UBXN2B: variants seen among roughly 807,000 people sequenced by gnomAD.
The protein encoded by UBXN2B is UBX domain protein 2B.
In UBXN2B, 19 loss-of-function variants were observed where a neutral mutation model predicts 37.5. The ratio of observed to expected loss-of-function variants is 0.51; its 90% CI spans 0.35 to 0.74. The LOEUF (loss-of-function observed/expected upper bound fraction) is 0.74. UBXN2B is among the 30% of genes least tolerant of loss of function. The pLI is 0.01. For missense variants in UBXN2B, 370 were observed against 393.2 expected, an observed-to-expected ratio of 0.94 and a Z score of 0.50; for synonymous variants, 145 against 143.8, an observed-to-expected ratio of 1.01 and a Z score of -0.06.
intron 2 of UBXN2B, chr8:58,426,633 T>G (rs2129604034): frequency 4.0e-6 from 3 of 744,092 alleles, no homozygotes; most frequent in Non-Finnish European, 7.6e-6. Context: ...CAACAGTGGG[T>G]TTTCTGCCTC....
chr8:58,429,943 T>C (rs1270425684), intron 2 of UBXN2B, among the ~76,000 whole-genome samples: 2 of 152,236 alleles, frequency 1.3e-5, no homozygotes, highest in Non-Finnish European at 2.9e-5. Context: ...GGAGTCAAAG[T>C]AGAAATTGGT....
chr8:58,443,426 C>T (rs1443555434), intron 6 of UBXN2B, among the ~76,000 whole-genome samples: 1 of 152,006 alleles, frequency 6.6e-6, no homozygotes, highest in Non-Finnish European at 1.5e-5. Context: ...TTTACTATGG[C>T]TTGATCAATT....
In UBXN2B at chr8:58,442,154, G is replaced by T. The variant is rs766521938; in HGVS notation, c.671+2384G>T. ...CCACCAAACAAGTGTATGTTTGTTT[G>T]GTGGAAGGGTAGAATCATGAAATCC... On this transcript the variant is annotated intron_variant, in intron 6 of 7. Coordinates refer to ENST00000399598, the MANE Select transcript of UBXN2B (RefSeq NM_001077619.2). Among the ~76,000 whole-genome samples, 217 of 152,298 alleles carry T rather than the reference G, an allele frequency of 1.4e-3. 4 individuals are homozygous for T. The highest frequency in any genetic ancestry group is 5.1e-4 in the Non-Finnish European group (35 of 68,020).
chr8:58,414,295 T>G (rs1055227990), intron 1 of UBXN2B, among the ~76,000 whole-genome samples: 2 of 152,232 alleles, frequency 1.3e-5, no homozygotes, highest in African/African-American at 2.4e-5. Context: ...GAGTAGAGTT[T>G]AAGCATATGC....
intron 6 of UBXN2B, 62 bp downstream of exon 6, chr8:58,439,832 A>G: frequency 6.5e-7 from 1 of 1,541,538 alleles, no homozygotes; most frequent in African/African-American, 1.4e-5. Context: ...TGAGAATAAG[A>G]AAAGCAAAAT....
chr8:58,426,120 CTG>C, intron 2 of UBXN2B: 1 of 1,272,598 alleles, frequency 7.9e-7, no homozygotes, highest in South Asian at 1.2e-5. Context: ...CCGTGATGTT[CTG>C]TGTAATGCCG....
At position 58,441,348 on chromosome 8, in the gene UBXN2B, C is replaced by CATATAT. The variant is rs33952664; in HGVS notation, c.671+1593_671+1598dup. 5.8e-4 allele frequency among the ~76,000 whole-genome samples: 61 copies of CATATAT among 104,650 alleles called. 4 individuals carry two copies. The highest frequency in any genetic ancestry group is 1.4e-3 in the African/African-American group (34 of 25,014). 68.7% of individuals were successfully genotyped at this position (104,650 alleles called of 152,430 possible). On this transcript the variant is annotated intron_variant, in intron 6 of 7. Coordinates refer to ENST00000399598, the MANE Select transcript of UBXN2B (RefSeq NM_001077619.2). Reference sequence around the variant, plus strand: ...TTTTTACTCCTCTTGTTGTGATCAACATATATATATATATATATATGTATG... The same window carrying CATATAT: ...TTTTTACTCCTCTTGTTGTGATCAACATATATATATATATATATATATATATGTATG...
At chr8:58,418,635 C>G (rs1422585203) in intron 2 of UBXN2B, among the ~76,000 whole-genome samples, 4 of 152,148 alleles carry the variant, frequency 2.6e-5, no homozygotes, top group African/African-American at 9.7e-5. Flanking sequence ...TCAGGATTTT[C>G]CACCATTAGT....
chr8:58,439,177 G>C (rs1477327354), intron 5 of UBXN2B, among the ~76,000 whole-genome samples: 1 of 152,092 alleles, frequency 6.6e-6, no homozygotes, highest in Non-Finnish European at 1.5e-5. Context: ...AAACCTCTTT[G>C]CTTTATAAAT....
At chr8:58,418,956 A>G (rs1200007016) in intron 2 of UBXN2B, among the ~76,000 whole-genome samples, 1 of 152,248 alleles carries the variant, frequency 6.6e-6, no homozygotes, top group African/African-American at 2.4e-5. Flanking sequence ...AGATTACTGT[A>G]TTAATATTTT....
chr8:58,420,773 C>A (rs557203040), intron 2 of UBXN2B, among the ~76,000 whole-genome samples: 1 of 152,172 alleles, frequency 6.6e-6, no homozygotes, highest in Admixed American at 6.5e-5. Flanking sequence ...ATAGTTTTTG[C>A]CTTGTGTGAA....
intron 5 of UBXN2B, 79 bp from the exon 6 acceptor site, chr8:58,439,554 A>G: frequency 6.7e-7 from 1 of 1,482,862 alleles, no homozygotes; most frequent in Non-Finnish European, 8.9e-7. Context: ...GTAGCTCATG[A>G]AATAATTACA....
intron 1 of UBXN2B, among the ~76,000 whole-genome samples, chr8:58,415,517 T>G (rs1353187678): frequency 6.6e-6 from 1 of 151,948 alleles, no homozygotes; most frequent in Admixed American, 6.6e-5. Flanking sequence ...GATATAACAC[T>G]GTAGGAAGAA....
At chr8:58,440,540 C>T (rs1407718430) in intron 6 of UBXN2B, among the ~76,000 whole-genome samples, 1 of 152,146 alleles carries the variant, frequency 6.6e-6, no homozygotes, top group Non-Finnish European at 1.5e-5. Flanking sequence ...TGAGTGGTTT[C>T]CTTTATAATA....
At chr8:58,433,278 A>G in intron 4 of UBXN2B, 35 bp downstream of exon 4, 1 of 1,516,370 alleles carries the variant, frequency 6.6e-7, no homozygotes. Context: ...AAGTATAAAT[A>G]TTTGCTTCTA....
intron 2 of UBXN2B, chr8:58,424,917 G>T: frequency 1.1e-6 from 1 of 877,020 alleles, no homozygotes; most frequent in Non-Finnish European, 2.0e-6. Flanking sequence ...CAATGTTGCA[G>T]TCAACACCTT....
rs368471768 is a variant in UBXN2B, at chr8:58,422,265, T to A, written c.188+5312T>A. On this transcript the variant is annotated intron_variant, in intron 2 of 7. Transcript: ENST00000399598. ...ATTGGGGGGCAGGGATAGGGGCTGA[T>A]ACACATTTTGTTAGTGAGAATGGCA... Among the ~76,000 whole-genome samples the A allele has an allele frequency of 1.9e-4, 29 of 152,324 alleles. 1 individual carries two copies. In the South Asian group the frequency reaches 5.8e-3, roughly 30 times the overall value.
At position 58,448,316 on chromosome 8, in the gene UBXN2B, G is replaced by C. The variant is rs1349863201; in HGVS notation, c.*765G>C. On this transcript the variant is annotated 3_prime_UTR_variant, in exon 8 of 8. Transcript: ENST00000399598. ...AGCCTCCCAAGTAGCTGGGATTACA[G>C]GCATGCGCCACCATGCCTGGCTAAT... 6.6e-6 allele frequency: 1 copy of C among 152,082 alleles called. No homozygotes were observed. Among genetic ancestry groups the C allele is most frequent in the East Asian group, 1.9e-4 (1 of 5,178 alleles). 9.4% of individuals were successfully genotyped at this position (152,082 alleles called of 1,614,324 possible). A position where few individuals can be genotyped will look rare whatever the true frequency, so the allele number is the denominator to read the frequency against.
chr8:58,432,591 C>A lies in UBXN2B; in HGVS notation c.340-569C>A, dbSNP rs543413717. 2.6e-5 allele frequency among the ~76,000 whole-genome samples: 4 copies of A among 152,072 alleles called. No homozygotes were observed. The East Asian group carries it at 7.7e-4, about 29-fold the overall frequency. ...TAGAGACGGGGTTTCACCATGTTAG[C>A]CAGGGTGGTCTCGATCTCCTGACCT... On this transcript the variant is annotated intron_variant, in intron 3 of 7. Coordinates refer to ENST00000399598, the MANE Select transcript of UBXN2B (RefSeq NM_001077619.2).
Sources: allele counts gnomAD v4.1 joint callset (sites outside exome capture counted in the v4.1 genomes callset), GRCh38; gene constraint gnomAD v4.1.1; transcripts MANE v1.5; gene names NCBI Gene and HGNC (gene_info 2026-07-23, HGNC 2026-07-21).